The following CARMIL2 variants were observed in gnomAD, a reference collection of about 807,000 sequenced individuals.
CARMIL2 encodes the protein capping protein regulator and myosin 1 linker 2, also known as capping protein, Arp2/3 and myosin-I linker protein 2.
Under a neutral mutation model 173.3 loss-of-function variants are expected in CARMIL2, and 96 were observed. That is an observed-to-expected ratio of 0.55 (90% CI 0.47 to 0.66). CARMIL2 has a LOEUF of 0.66. CARMIL2 is among the 30% of genes least tolerant of loss of function. The pLI, the probability that CARMIL2 is intolerant of heterozygous loss-of-function variation, is 0.00. For synonymous variants in CARMIL2, 830 were observed against 817.1 expected, an observed-to-expected ratio of 1.02 and a Z score of -0.27; for missense variants, 1,771 against 1,906.7, an observed-to-expected ratio of 0.93 and a Z score of 1.33.
Position 67,648,672 on chromosome 16 carries a change from C to T in CARMIL2, c.1440-13C>T, listed in dbSNP as rs749100907. 1.2e-6 allele frequency: 2 copies of T among 1,600,272 alleles called. No homozygotes were observed. The highest frequency in any genetic ancestry group is 2.3e-5 in the South Asian group (2 of 88,548). The stretch of plus-strand genomic sequence containing the variant: ...TCCCAGCTCCCGCCACCCCGTGTAA[C>T]GTCCTCTCCCAGAGCCCTTTTGGAT... On this transcript the variant is annotated splice_polypyrimidine_tract_variant and intron_variant, in intron 15 of 37. Transcript: ENST00000334583. This position sits in a 1 kb window ranked among gnomAD's most constrained non-coding sequence, Gnocchi z 6.1.
chr16:67,655,990 G>A, intron 32 of CARMIL2, 41 bp from the exon 33 acceptor site: 1 of 1,561,866 alleles, frequency 6.4e-7, no homozygotes, highest in Non-Finnish European at 8.7e-7. Flanking sequence ...AGGGTGTGGG[G>A]AGCGGGCAGG....
chr16:67,648,397 G>A lies in CARMIL2; in HGVS notation c.1335-1G>A. ...CAGGCCCACCTTCCCACTTCCCCCA[G>A]GAAGTCCCGCGCCGCGCCGGCCGCG... On this transcript the variant is annotated splice_acceptor_variant, in intron 14 of 37. Coordinates refer to ENST00000334583, the MANE Select transcript of CARMIL2 (RefSeq NM_001013838.3). LOFTEE classifies it high-confidence loss of function. This position sits in a 1 kb window ranked among gnomAD's most constrained non-coding sequence, Gnocchi z 6.1. 1 of 1,533,158 alleles carries A rather than the reference G, an allele frequency of 6.5e-7. No individual in the cohort carries two copies. The highest frequency in any genetic ancestry group is 8.7e-7 in the Non-Finnish European group (1 of 1,146,030). The allele number at this position is 1,533,158 out of a possible 1,614,324, so 95.0% of individuals were successfully genotyped here. A position where few individuals can be genotyped will look rare whatever the true frequency, so the allele number is the denominator to read the frequency against.
rs1444396348 is a variant in CARMIL2 at position 67,647,664 on chromosome 16, G to C, written c.872-16G>C. The C allele has an allele frequency of 6.3e-7, 1 of 1,599,922 alleles. No individual in the cohort carries two copies. Among genetic ancestry groups the C allele is most frequent in the Non-Finnish European group, 8.5e-7 (1 of 1,174,230 alleles). On this transcript the variant is annotated splice_polypyrimidine_tract_variant and intron_variant, in intron 11 of 37. Coordinates refer to ENST00000334583, the MANE Select transcript of CARMIL2 (RefSeq NM_001013838.3). ...AGGAGGAGGTGAGACCCACGTGGCT[G>C]TTCCCACCCCCCAAGGCATGACTGC... is the stretch of plus-strand genomic sequence containing the variant.
chr16:67,653,547 C>G lies in CARMIL2; in HGVS notation c.3120+293C>G, dbSNP rs898972156. ...GCGAGAGAGGGTGTCCGTCCTCCCT[C>G]CCTCCCCCGGGGCTGCTGAGAGATG... On this transcript the variant is annotated intron_variant, in intron 29 of 37. Coordinates refer to ENST00000334583, the MANE Select transcript of CARMIL2 (RefSeq NM_001013838.3). The surrounding 1 kb of genome is among the most constrained non-coding windows in gnomAD (Gnocchi z 7.4). Among the ~76,000 whole-genome samples, 10 of 152,164 alleles carry G rather than the reference C, an allele frequency of 6.6e-5. No individual in the cohort carries two copies. Among genetic ancestry groups the G allele is most frequent in the Admixed American group, 3.3e-4 (5 of 15,294 alleles).
Position 67,657,142 on chromosome 16 carries a change from G to C in CARMIL2, c.4118-97G>C. ...GCTCTGAAGGCAGCAGTGTGTGTGA[G>C]TGCATGCTTATGTGCACTGGAGGTG... is the stretch of plus-strand genomic sequence containing the variant. On this transcript the variant is annotated intron_variant, in intron 36 of 37. Transcript: ENST00000334583. The surrounding 1 kb of genome is among the most constrained non-coding windows in gnomAD (Gnocchi z 4.5). The C allele has an allele frequency of 9.2e-7, 1 of 1,092,538 alleles. No homozygotes were observed. The highest frequency in any genetic ancestry group is 1.4e-5 in the South Asian group (1 of 72,318). 67.7% of individuals were successfully genotyped at this position (1,092,538 alleles called of 1,614,324 possible).
chr16:67,648,420 G>T lies in CARMIL2; in HGVS notation c.1357G>T (p.Ala453Ser), dbSNP rs766801229. Residue 453 changes from alanine to serine, a missense_variant, in exon 15 of 38, where the codon GCG becomes TCG. Physicochemically the swap from Ala to Ser is moderately conservative, Grantham distance 99 (BLOSUM62 1). This residue lies in a region of CARMIL2 where 944 missense variants were observed against 975.6 expected (regional missense o/e 0.97). Coordinates refer to ENST00000334583, the MANE Select transcript of CARMIL2 (RefSeq NM_001013838.3). The surrounding 1 kb of genome is among the most constrained non-coding windows in gnomAD (Gnocchi z 6.1). ...SRTKSRAAPA[A>S]LQLFLSRART... Reference sequence around the variant, plus strand: ...CAGGAAGTCCCGCGCCGCGCCGGCCGCGCTGCAGCTCTTCCTCAGCCGCGC... The same window carrying T: ...CAGGAAGTCCCGCGCCGCGCCGGCCTCGCTGCAGCTCTTCCTCAGCCGCGC... The T allele has an allele frequency of 6.6e-7, 1 of 1,518,648 alleles. No homozygotes were observed. The highest frequency in any genetic ancestry group is 1.4e-5 in the African/African-American group (1 of 71,616). The allele number at this position is 1,518,648 out of a possible 1,614,324, so 94.1% of individuals were successfully genotyped here.
rs768477639 is a variant in CARMIL2 at position 67,647,562 on chromosome 16, G to A, written c.831G>A (p.Leu277=). Residue 277 remains leucine (L), a synonymous_variant, in exon 11 of 38, where the codon CTG becomes CTA. Coordinates refer to ENST00000334583, the MANE Select transcript of CARMIL2 (RefSeq NM_001013838.3). ...TGGCGGGACACTCAAGCTCTGGGCT[G>A]CGGGAGCTCAGCCTCGCGGGGAACC... ...QALAGHSSSG[L]RELSLAGNLL... 8 of 1,611,154 alleles carry A rather than the reference G, an allele frequency of 5.0e-6. No homozygotes were observed. The highest frequency in any genetic ancestry group is 6.8e-6 in the Non-Finnish European group (8 of 1,178,984).
At position 67,652,828 on chromosome 16, in the gene CARMIL2, G is replaced by T. The variant is rs1287372979; in HGVS notation, c.2885-191G>T. 16 of 251,844 alleles carry T rather than the reference G, an allele frequency of 6.4e-5. No individual in the cohort carries two copies. 15.6% of individuals were successfully genotyped at this position (251,844 alleles called of 1,614,324 possible). A position where few individuals can be genotyped will look rare whatever the true frequency, so the allele number is the denominator to read the frequency against. ...TGGGCGGCGGCGCGGAGCCGCGCGC[G>T]CTCGGGGCCGCGCTCAGCACCACGG... On this transcript the variant is annotated intron_variant, in intron 28 of 37. Coordinates refer to ENST00000334583, the MANE Select transcript of CARMIL2 (RefSeq NM_001013838.3). The surrounding 1 kb of genome is among the most constrained non-coding windows in gnomAD (Gnocchi z 4.7).
rs745738055 is a variant in CARMIL2, at chr16:67,652,481, C to T, written c.2827C>T (p.Pro943Ser). 1.9e-6 allele frequency: 3 copies of T among 1,613,636 alleles called. No homozygotes were observed. The highest frequency in any genetic ancestry group is 1.7e-6 in the Non-Finnish European group (2 of 1,179,806). ...GTGCCCTCCCCACCAGGATGACAGTCCTCCACAGAAATGGCCTGAGCTCAG... is the reference window on the plus strand; with the variant it reads ...GTGCCCTCCCCACCAGGATGACAGTTCTCCACAGAAATGGCCTGAGCTCAG... Reference protein sequence around the residue: ...KEEEKEKDDSPPQKWPELSHG... With the variant: ...KEEEKEKDDSSPQKWPELSHG... Residue 943 changes from proline (P) to serine (S), a missense_variant, in exon 28 of 38, where the codon CCT becomes TCT. Physicochemically the swap from Pro to Ser is moderately conservative, Grantham distance 74 (BLOSUM62 -1). Around this residue, in one of 3 missense-constraint regions of CARMIL2, gnomAD observed 817 missense variants for 903.5 expected, o/e 0.90. Coordinates refer to ENST00000334583, the MANE Select transcript of CARMIL2 (RefSeq NM_001013838.3). The surrounding 1 kb of genome is among the most constrained non-coding windows in gnomAD (Gnocchi z 4.7).
chr16:67,646,749 T>G lies in CARMIL2; in HGVS notation c.502T>G (p.Tyr168Asp). ...FLETYEALCD[Y>D]NGFPFREEIQ... ...GGAGACATACGAGGCTCTGTGTGAC[T>G]ACAATGGCTTCCCTTTCCGAGAGGA... The change falls in exon 7 of 38, where the codon TAC becomes GAC. Residue 168 changes from tyrosine (Y) to aspartate (D), a missense_variant. Transcript: ENST00000334583. The surrounding 1 kb of genome is among the most constrained non-coding windows in gnomAD (Gnocchi z 4.6). The G allele has an allele frequency of 1.2e-6, 2 of 1,614,000 alleles. No homozygotes were observed. Among genetic ancestry groups the G allele is most frequent in the Non-Finnish European group, 1.7e-6 (2 of 1,179,880 alleles).
At position 67,653,414 on chromosome 16, in the gene CARMIL2, C is replaced by A. The variant is rs143620025; in HGVS notation, c.3120+160C>A. Among the ~76,000 whole-genome samples, 2 of 152,010 alleles carry A rather than the reference C, an allele frequency of 1.3e-5. No homozygotes were observed. Among genetic ancestry groups the A allele is most frequent in the Non-Finnish European group, 1.5e-5 (1 of 67,948 alleles). On this transcript the variant is annotated intron_variant, in intron 29 of 37. Transcript: ENST00000334583. This position sits in a 1 kb window ranked among gnomAD's most constrained non-coding sequence, Gnocchi z 7.4. The stretch of plus-strand genomic sequence containing the variant: ...ACATCCTGGCTTCTTCCTGACCACC[C>A]CCCACCCCAGGCCATGCCTGTGCGG...
rs368493105 is a variant in CARMIL2, at chr16:67,657,466, G to A, written c.4256G>A (p.Arg1419Gln). The stretch of plus-strand genomic sequence containing the variant: ...CCCACAGAGCCCTCCAGCCCTGAGC[G>A]GAGCCCACCCTCCCCAGCCACAGAC... ...PQPTEPSSPE[R>Q]SPPSPATDQR... Residue 1419 changes from arginine (R) to glutamine (Q), a missense_variant, in exon 38 of 38, where the codon CGG becomes CAG. Physicochemically the swap from Arg to Gln is conservative, Grantham distance 43. Coordinates refer to ENST00000334583, the MANE Select transcript of CARMIL2 (RefSeq NM_001013838.3). The surrounding 1 kb of genome is among the most constrained non-coding windows in gnomAD (Gnocchi z 4.5). The A allele has an allele frequency of 2.5e-5, 41 of 1,611,294 alleles. No individual in the cohort carries two copies. The highest frequency in any genetic ancestry group is 4.0e-5 in the African/African-American group (3 of 74,784).
chr16:67,647,371 A>G lies in CARMIL2; in HGVS notation c.760A>G (p.Thr254Ala). The G allele has an allele frequency of 6.3e-7, 1 of 1,579,458 alleles. No individual in the cohort carries two copies. Among genetic ancestry groups the G allele is most frequent in the Non-Finnish European group, 8.6e-7 (1 of 1,162,732 alleles). ...SSHLEELVLE[T>A]CSLRGDFVRR... ...ACACCTGGAGGAGCTGGTGCTGGAG[A>G]CCTGCAGCCTGAGGGGGTGAGGGGG... The change falls in exon 10 of 38, where the codon ACC (threonine) becomes GCC (alanine). Residue 254 changes from threonine to alanine, a missense_variant. Thr to Ala is a moderately conservative substitution (Grantham distance 58). Around this residue, in one of 3 missense-constraint regions of CARMIL2, gnomAD observed 944 missense variants for 975.6 expected, o/e 0.97. Transcript: ENST00000334583.
At chr16:67,647,627 G>C (rs1390121387) in intron 11 of CARMIL2, 25 bp downstream of exon 11, 2 of 1,603,864 alleles carry the variant, frequency 1.2e-6, no homozygotes, top group Non-Finnish European at 1.7e-6. Context: ...GGGGACCGCA[G>C]GGGTGGGCAG....
rs1232484424 is a variant in CARMIL2, at chr16:67,649,260, C to A, written c.1695C>A (p.Thr565=). ...CTGCGGCCCCTGCCCACAGGGAGAC[C>A]CTGGACGACGTCCTGCACCGGATTG... ...GRNFNVRCKE[T]LDDVLHRIVQ... is the part of the protein sequence containing the mutation. Residue 565 remains threonine (T), a synonymous_variant, in exon 19 of 38, where the codon ACC becomes ACA. Coordinates refer to ENST00000334583, the MANE Select transcript of CARMIL2 (RefSeq NM_001013838.3). This position sits in a 1 kb window ranked among gnomAD's most constrained non-coding sequence, Gnocchi z 6.7. 2 of 1,613,378 alleles carry A rather than the reference C, an allele frequency of 1.2e-6. No individual in the cohort carries two copies. Among genetic ancestry groups the A allele is most frequent in the Middle Eastern group, 1.6e-4 (1 of 6,062 alleles).
At chr16:67,647,641 G>T (rs1354604050) in intron 11 of CARMIL2, 39 bp downstream of exon 11, 3 of 1,601,570 alleles carry the variant, frequency 1.9e-6, no homozygotes, top group Non-Finnish European at 2.6e-6. Flanking sequence ...TGGGCAGCAG[G>T]AGGAGGTGAG....
At position 67,650,125 on chromosome 16, in the gene CARMIL2, G is replaced by A. The variant is rs748433859; in HGVS notation, c.2159G>A (p.Gly720Asp). 1 of 1,613,132 alleles carries A rather than the reference G, an allele frequency of 6.2e-7. No homozygotes were observed. The highest frequency in any genetic ancestry group is 8.5e-7 in the Non-Finnish European group (1 of 1,179,692). ...CACACGACCCGCCTTCAGCCACTTG[G>A]TCTGGTCTCAGACCCCTCAGAGCAG... ...SDHTTRLQPL[G>D]LVSDPSEQEV... The change falls in exon 22 of 38, where the codon GGT (glycine) becomes GAT (aspartate). Residue 720 changes from glycine to aspartate, a missense_variant. Around this residue, in one of 3 missense-constraint regions of CARMIL2, gnomAD observed 944 missense variants for 975.6 expected, o/e 0.97. Coordinates refer to ENST00000334583, the MANE Select transcript of CARMIL2 (RefSeq NM_001013838.3).
rs2052711766 is a variant in CARMIL2, at chr16:67,650,999, A to G, written c.2185-188A>G. The G allele has an allele frequency of 2.0e-5, 12 of 612,072 alleles. No homozygotes were observed. The South Asian group carries it at 2.4e-4, about 12-fold the overall frequency. The allele number at this position is 612,072 out of a possible 1,614,324, so 37.9% of individuals were successfully genotyped here. ...TTCTGGGCACTTAGGAAGTGTATAT[A>G]AAGTCCTTAAAATGAACCAAAGCAA... On this transcript the variant is annotated intron_variant, in intron 22 of 37. Coordinates refer to ENST00000334583, the MANE Select transcript of CARMIL2 (RefSeq NM_001013838.3).
rs762056084 is a variant in CARMIL2 at position 67,648,929 on chromosome 16, G to A, written c.1546G>A (p.Val516Met). The A allele has an allele frequency of 6.8e-6, 11 of 1,609,474 alleles. No individual in the cohort carries two copies. In the Admixed American group the frequency reaches 1.9e-4, roughly 27 times the overall value. Reference sequence around the variant, plus strand: ...CGGCGCCCAGGTGATACAAGACTTAGTGTGCGACGCAGGCGCTGTGAGCTC... The same window carrying A: ...CGGCGCCCAGGTGATACAAGACTTAATGTGCGACGCAGGCGCTGTGAGCTC... The part of the protein sequence containing the change: ...SAGAQVIQDL[V>M]CDAGAVSSLD... Residue 516 changes from valine to methionine, a missense_variant, in exon 17 of 38, where the codon GTG becomes ATG. Around this residue, in one of 3 missense-constraint regions of CARMIL2, gnomAD observed 944 missense variants for 975.6 expected, o/e 0.97. Coordinates refer to ENST00000334583, the MANE Select transcript of CARMIL2 (RefSeq NM_001013838.3). The surrounding 1 kb of genome is among the most constrained non-coding windows in gnomAD (Gnocchi z 6.1).
Sources: allele counts gnomAD v4.1 joint callset (sites outside exome capture counted in the v4.1 genomes callset), GRCh38; gene constraint gnomAD v4.1.1; regional missense constraint gnomAD v4.1.1; non-coding constraint Gnocchi (gnomAD v3.1); transcripts MANE v1.5; gene names NCBI Gene and HGNC (gene_info 2026-07-23, HGNC 2026-07-21).